Variants in CTNNA3 observed in about 807,000 individuals in gnomAD.
CTNNA3 encodes the protein catenin alpha-3.
A neutral mutation model predicts 95.7 loss-of-function variants in CTNNA3; 76 were observed. The ratio of observed to expected loss-of-function variants is 0.79; its 90% CI spans 0.66 to 0.96. The LOEUF is 0.96. Ranked by LOEUF, CTNNA3 falls within the 40% of genes least tolerant of loss-of-function variation. The probability of loss-of-function intolerance (pLI) is 0.00; values close to 1 mark genes in which losing one functional copy is unlikely to be tolerated. For missense variants in CTNNA3, 1,191 were observed against 1,089.8 expected, an observed-to-expected ratio of 1.09 and a Z score of -1.31; for synonymous variants, 431 against 374.4, an observed-to-expected ratio of 1.15 and a Z score of -1.74.
chr10:66,675,535 T>C (rs1361326584), intron 9 of CTNNA3, among the ~76,000 whole-genome samples: 1 of 152,146 alleles, frequency 6.6e-6, no homozygotes, highest in African/African-American at 2.4e-5. Context: ...TTAGCTAAAA[T>C]GATGCAAAGT....
intron 13 of CTNNA3, among the ~76,000 whole-genome samples, chr10:66,274,680 T>C (rs141109161): frequency 6.6e-6 from 1 of 152,306 alleles, no homozygotes; most frequent in Non-Finnish European, 1.5e-5. Context: ...ACTTTATTAA[T>C]ATCTAATTTA....
chr10:66,229,867 T>A (rs958213046), intron 13 of CTNNA3, among the ~76,000 whole-genome samples: 2 of 152,102 alleles, frequency 1.3e-5, no homozygotes, highest in Admixed American at 1.3e-4. Context: ...ATGTATTTGC[T>A]TAATAATGTC....
chr10:67,660,106 T>A (rs757208501), intron 1 of CTNNA3, among the ~76,000 whole-genome samples: 1 of 152,220 alleles, frequency 6.6e-6, no homozygotes, highest in Non-Finnish European at 1.5e-5. Context: ...TAGTTTTCCA[T>A]TCTGTCATAA....
intron 14 of CTNNA3, chr10:66,098,557 A>G (rs1258816679): frequency 6.6e-6 from 1 of 152,228 alleles, no homozygotes; most frequent in Non-Finnish European, 1.5e-5. Context: ...TGTATGTCAT[A>G]TAACATTTTA....
At chr10:67,152,207 T>C (rs1384505649) in intron 7 of CTNNA3, among the ~76,000 whole-genome samples, 1 of 152,230 alleles carries the variant, frequency 6.6e-6, no homozygotes, top group Non-Finnish European at 1.5e-5. Context: ...CCTCATCATC[T>C]ACCTCTCTTG....
chr10:67,271,570 C>G (rs1212779092), intron 5 of CTNNA3, among the ~76,000 whole-genome samples: 2 of 152,152 alleles, frequency 1.3e-5, no homozygotes, highest in Admixed American at 6.6e-5. Context: ...AATACAACTA[C>G]ACTCTTCTAA....
intron 10 of CTNNA3, among the ~76,000 whole-genome samples, chr10:66,573,521 A>C (rs1228085582): frequency 6.6e-6 from 1 of 152,250 alleles, no homozygotes; most frequent in Non-Finnish European, 1.5e-5. Flanking sequence ...ACAAAATTTT[A>C]CTGAAGTTCA....
At chr10:66,178,419 A>G (rs1246913579) in intron 13 of CTNNA3, among the ~76,000 whole-genome samples, 26 of 69,142 alleles carry the variant, frequency 3.8e-4, no homozygotes, top group African/African-American at 1.7e-3. Context: ...ATATATATAT[A>G]TATATATATA....
intron 7 of CTNNA3, among the ~76,000 whole-genome samples, chr10:67,171,796 T>C (rs991589359): frequency 5.9e-5 from 9 of 152,004 alleles, no homozygotes; most frequent in African/African-American, 2.2e-4. Flanking sequence ...AATTAATATA[T>C]TTCAATGGAA....
At chr10:66,870,416 A>G (rs1844351320) in intron 7 of CTNNA3, among the ~76,000 whole-genome samples, 1 of 152,194 alleles carries the variant, frequency 6.6e-6, no homozygotes, top group Non-Finnish European at 1.5e-5. Context: ...TATCCTACAC[A>G]ATCTAATATA....
intron 1 of CTNNA3, among the ~76,000 whole-genome samples, chr10:67,749,707 G>A (rs117432814): frequency 0.013 from 1,971 of 152,284 alleles, 25 homozygotes; most frequent in Non-Finnish European, 0.02. Context: ...ACATCAGAAA[G>A]CAAGAAAGAT....
chr10:67,138,865 T>C (rs1269303291), intron 7 of CTNNA3, among the ~76,000 whole-genome samples: 1 of 152,166 alleles, frequency 6.6e-6, no homozygotes, highest in Non-Finnish European at 1.5e-5. Context: ...ATTTCCTAAG[T>C]CATCCATCTA....
intron 7 of CTNNA3, among the ~76,000 whole-genome samples, chr10:67,179,024 G>A (rs1453572646): frequency 6.6e-6 from 1 of 152,062 alleles, no homozygotes; most frequent in Non-Finnish European, 1.5e-5. Flanking sequence ...AATATTAAGA[G>A]TATGAAGATA....
intron 10 of CTNNA3, 94 bp downstream of exon 10, chr10:66,621,598 A>G: frequency 1.4e-6 from 1 of 739,530 alleles, no homozygotes; most frequent in Non-Finnish European, 2.1e-6. Flanking sequence ...TCTCAAAAAA[A>G]AAAAAAGAAA....
chr10:66,065,325 T>A (rs797022194), intron 15 of CTNNA3, among the ~76,000 whole-genome samples: 2 of 152,156 alleles, frequency 1.3e-5, no homozygotes, highest in African/African-American at 4.8e-5. Context: ...ACAATTTCAT[T>A]CTGTCCCTCC....
chr10:67,240,939 G>T (rs1438000452), intron 5 of CTNNA3, among the ~76,000 whole-genome samples: 1 of 152,088 alleles, frequency 6.6e-6, no homozygotes, highest in Non-Finnish European at 1.5e-5. Flanking sequence ...TCTATTGTTT[G>T]CTTAGAATTT....
intron 7 of CTNNA3, among the ~76,000 whole-genome samples, chr10:67,004,374 A>C (rs1220969144): frequency 6.6e-6 from 1 of 152,236 alleles, no homozygotes; most frequent in East Asian, 1.9e-4. Flanking sequence ...AATGATGAGG[A>C]TGAGAAAAGG....
chr10:66,116,156 C>T (rs1025805145), intron 13 of CTNNA3, among the ~76,000 whole-genome samples: 2 of 152,184 alleles, frequency 1.3e-5, no homozygotes, highest in African/African-American at 4.8e-5. Context: ...CAAGTGAATA[C>T]ATCATTGTAT....
chr10:67,663,391 A>G (rs1273805999), intron 1 of CTNNA3, among the ~76,000 whole-genome samples: 1 of 151,896 alleles, frequency 6.6e-6, no homozygotes, highest in Non-Finnish European at 1.5e-5. Flanking sequence ...CCAAAAAAAA[A>G]AGCAATTGAA....
Sources: gnomAD v4.1 joint callset for allele counts (sites outside exome capture counted in the v4.1 genomes callset) on GRCh38, gnomAD v4.1.1 for gene constraint, MANE v1.5 for transcripts, NCBI Gene and HGNC (gene_info 2026-07-23, HGNC 2026-07-21) for gene names.